The following LRFN5 variants were observed in gnomAD, a reference collection of about 807,000 sequenced individuals.
LRFN5 encodes the protein leucine rich repeat and fibronectin type III domain containing 5.
In LRFN5, 24 loss-of-function variants were observed where a neutral mutation model predicts 45.6. That is an observed-to-expected ratio of 0.53 (90% CI 0.38 to 0.74). The LOEUF is 0.74. Ranked by LOEUF, LRFN5 falls within the 30% of genes least tolerant of loss-of-function variation. The pLI, the probability that LRFN5 is intolerant of heterozygous loss-of-function variation, is 0.00. For synonymous variants in LRFN5, 340 were observed against 313.8 expected, an observed-to-expected ratio of 1.08 and a Z score of -0.88; for missense variants, 776 against 861.5, an observed-to-expected ratio of 0.90 and a Z score of 1.24.
chr14:41,795,924 T>TA (rs11446414), intron 2 of LRFN5, among the ~76,000 whole-genome samples: 110,965 of 150,446 alleles, frequency 0.74, 41,175 homozygotes, highest in East Asian at 0.92. Context: ...TTAAAGTATA[T>TA]AAAAAAAAAG....
intron 1 of LRFN5, among the ~76,000 whole-genome samples, chr14:41,691,797 G>T (rs1403862821): frequency 1.3e-5 from 2 of 151,918 alleles, no homozygotes; most frequent in Non-Finnish European, 2.9e-5. Flanking sequence ...AATACTTTCT[G>T]ATGTCTAACA....
chr14:41,649,199 C>T (rs1311591634), intron 1 of LRFN5, among the ~76,000 whole-genome samples: 2 of 152,070 alleles, frequency 1.3e-5, no homozygotes, highest in Non-Finnish European at 2.9e-5. Context: ...TGCGCCACTG[C>T]ACTTCAACCT....
chr14:41,805,411 T>C (rs1887486638), intron 2 of LRFN5, among the ~76,000 whole-genome samples: 1 of 149,704 alleles, frequency 6.7e-6, no homozygotes, highest in Admixed American at 6.7e-5. Context: ...TATTTATTTA[T>C]TTATTTATTT....
chr14:41,796,441 T>C (rs1403501763), intron 2 of LRFN5, among the ~76,000 whole-genome samples: 1 of 151,964 alleles, frequency 6.6e-6, no homozygotes, highest in Non-Finnish European at 1.5e-5. Context: ...ATTTTTAATG[T>C]AAGTGAATTT....
At chr14:41,786,011 C>A (rs1180057799) in intron 2 of LRFN5, among the ~76,000 whole-genome samples, 1 of 149,852 alleles carries the variant, frequency 6.7e-6, no homozygotes, top group Non-Finnish European at 1.5e-5. Flanking sequence ...GCATTGTTCC[C>A]TGCCCTGGGG....
intron 2 of LRFN5, among the ~76,000 whole-genome samples, chr14:41,783,024 C>G (rs932390609): frequency 2.2e-4 from 29 of 129,586 alleles, no homozygotes; most frequent in African/African-American, 8.0e-4. Flanking sequence ...AGTGTTGGCT[C>G]AAGTGGGTGG....
At chr14:41,777,908 T>C (rs1886347301) in intron 2 of LRFN5, among the ~76,000 whole-genome samples, 1 of 151,368 alleles carries the variant, frequency 6.6e-6, no homozygotes, top group African/African-American at 2.4e-5. Context: ...CAAACCTTAA[T>C]CCTGTTTCTG....
intron 1 of LRFN5, among the ~76,000 whole-genome samples, chr14:41,726,371 C>G (rs1439511216): frequency 6.6e-6 from 1 of 152,060 alleles, no homozygotes; most frequent in Non-Finnish European, 1.5e-5. Context: ...GGAACTTAAT[C>G]TTTGTTAAAT....
intron 1 of LRFN5, among the ~76,000 whole-genome samples, chr14:41,738,792 G>A (rs1884560388): frequency 6.6e-6 from 1 of 152,098 alleles, no homozygotes; most frequent in African/African-American, 2.4e-5. Flanking sequence ...GTGTCTTAAT[G>A]TAGGTTGTTT....
intron 2 of LRFN5, among the ~76,000 whole-genome samples, chr14:41,806,584 C>T (rs1887534208): frequency 6.6e-6 from 1 of 152,026 alleles, no homozygotes; most frequent in Admixed American, 6.6e-5. Context: ...TAAACCAGGG[C>T]CAAAGCCACA....
chr14:41,710,769 G>A (rs540635482), intron 1 of LRFN5, among the ~76,000 whole-genome samples: 8 of 149,338 alleles, frequency 5.4e-5, no homozygotes, highest in South Asian at 2.1e-4. Flanking sequence ...TCCCTCCCCC[G>A]TCCCCCGACC....
intron 1 of LRFN5, among the ~76,000 whole-genome samples, chr14:41,740,775 T>A (rs1024843798): frequency 6.6e-6 from 1 of 151,976 alleles, no homozygotes; most frequent in African/African-American, 2.4e-5. Context: ...TCAGTGCAAA[T>A]TGAAATTGGC....
intron 2 of LRFN5, among the ~76,000 whole-genome samples, chr14:41,867,721 GA>G (rs1241449724): frequency 6.6e-6 from 1 of 152,008 alleles, no homozygotes; most frequent in Non-Finnish European, 1.5e-5. Flanking sequence ...AGAATTGGCT[GA>G]AAAAATCTCC....
chr14:41,768,121 C>G (rs549350906), intron 2 of LRFN5, among the ~76,000 whole-genome samples: 3 of 152,004 alleles, frequency 2.0e-5, no homozygotes, highest in Non-Finnish European at 4.4e-5. Flanking sequence ...ACTTAATGAA[C>G]CCACTTTTAT....
At chr14:41,877,544 G>C (rs931246009) in intron 2 of LRFN5, among the ~76,000 whole-genome samples, 3 of 151,650 alleles carry the variant, frequency 2.0e-5, no homozygotes, top group African/African-American at 7.3e-5. Flanking sequence ...TATTTGTTTT[G>C]TGTAAGTAAT....
rs941149558 is a variant in LRFN5, at chr14:41,844,160, G to A, written c.-20-42446G>A. On this transcript the variant is annotated intron_variant, in intron 2 of 5. Transcript: ENST00000298119. ...TATTTTAAAAATGTAAAATTCGGCC[G>A]GGTGCAGTGGCTCACGCCTGTAATC... Among the ~76,000 whole-genome samples, 8 of 152,142 alleles carry A rather than the reference G, an allele frequency of 5.3e-5. No homozygotes were observed. In the South Asian group the frequency reaches 6.2e-4, roughly 12 times the overall value.
chr14:41,719,694 A>G (rs986889555), intron 1 of LRFN5, among the ~76,000 whole-genome samples: 1 of 151,830 alleles, frequency 6.6e-6, no homozygotes, highest in African/African-American at 2.4e-5. Context: ...TATATACTTC[A>G]AAATTTTGAT....
chr14:41,670,236 C>T (rs1881119724), intron 1 of LRFN5, among the ~76,000 whole-genome samples: 1 of 125,900 alleles, frequency 7.9e-6, no homozygotes, highest in Non-Finnish European at 1.7e-5. Flanking sequence ...TATACACACA[C>T]ACACACACAC....
chr14:41,796,613 TTATTA>T (rs1468214408), intron 2 of LRFN5, among the ~76,000 whole-genome samples: 1 of 151,936 alleles, frequency 6.6e-6, no homozygotes, highest in Non-Finnish European at 1.5e-5. Flanking sequence ...TGTTTGCATC[TTATTA>T]TATTAGCAAT....
Sources: gnomAD v4.1 joint callset for allele counts (sites outside exome capture counted in the v4.1 genomes callset) on GRCh38, gnomAD v4.1.1 for gene constraint, MANE v1.5 for transcripts, NCBI Gene and HGNC (gene_info 2026-07-23, HGNC 2026-07-21) for gene names.